The following IQCJ variants were observed in gnomAD, a reference collection of about 807,000 sequenced individuals.
IQCJ encodes IQ motif containing J, also known as IQ domain-containing protein J.
In IQCJ, 9 loss-of-function variants were observed where a neutral mutation model predicts 11.0. The observed-to-expected ratio is 0.82, with a 90% CI of 0.49 to 1.43. The LOEUF (loss-of-function observed/expected upper bound fraction) is 1.43, where lower values mean the gene tolerates loss of function less well. Ranked by LOEUF, IQCJ falls within the 40% of genes most tolerant of loss-of-function variation. IQCJ has a pLI of 0.00. For missense variants in IQCJ, 146 were observed against 133.2 expected (o/e 1.10, Z -0.47); for synonymous variants, 55 against 51.3 (o/e 1.07, Z -0.31).
chr3:159,250,225 T>C (rs1293311212), intron 2 of IQCJ, among the ~76,000 whole-genome samples: 2 of 152,176 alleles, frequency 1.3e-5, no homozygotes, highest in East Asian at 3.9e-4. Flanking sequence ...TAGTTTATAG[T>C]TTGGTGAGGA....
At chr3:159,115,286 C>A (rs1387679724) in intron 1 of IQCJ, among the ~76,000 whole-genome samples, 1 of 152,174 alleles carries the variant, frequency 6.6e-6, no homozygotes, top group Non-Finnish European at 1.5e-5. Flanking sequence ...CCCTTCAACA[C>A]CCCCACCCCC....
At chr3:159,263,937 G>A (rs79509573), downstream of IQCJ, among the ~76,000 whole-genome samples, 161 of 152,274 alleles carry the variant, frequency 1.1e-3, 4 homozygotes, top group East Asian at 0.029. Context: ...GAGGGCACTC[G>A]TGAACTACAC....
intron 1 of IQCJ, among the ~76,000 whole-genome samples, chr3:159,094,717 T>C (rs556043845): frequency 6.6e-6 from 1 of 151,828 alleles, no homozygotes; most frequent in Admixed American, 6.5e-5. Context: ...TGGTAAAAGA[T>C]GTGTGATCTC....
At chr3:159,167,057 A>G (rs1298111566) in intron 1 of IQCJ, among the ~76,000 whole-genome samples, 1 of 152,162 alleles carries the variant, frequency 6.6e-6, no homozygotes, top group African/African-American at 2.4e-5. Context: ...CCATTGATCA[A>G]ACTAAAAATT....
At chr3:159,219,659 C>A (rs758396673) in intron 1 of IQCJ, among the ~76,000 whole-genome samples, 5 of 152,186 alleles carry the variant, frequency 3.3e-5, no homozygotes, top group Admixed American at 6.5e-5. Context: ...TATTAAAGAT[C>A]TCTCCTTTGC....
intron 1 of IQCJ, among the ~76,000 whole-genome samples, chr3:159,231,915 C>T (rs139016208): frequency 1.3e-5 from 2 of 152,266 alleles, no homozygotes; most frequent in East Asian, 3.9e-4. Context: ...AGTTTATTTG[C>T]ATAGAGGTGT....
intron 1 of IQCJ, among the ~76,000 whole-genome samples, chr3:159,080,150 A>C (rs6783032): frequency 2.7e-3 from 405 of 152,268 alleles, no homozygotes; most frequent in African/African-American, 9.3e-3. Flanking sequence ...AATATATCTT[A>C]AGACAGTATG....
chr3:159,122,143 A>G (rs1184198022), intron 1 of IQCJ, among the ~76,000 whole-genome samples: 1 of 152,160 alleles, frequency 6.6e-6, no homozygotes, highest in Non-Finnish European at 1.5e-5. Flanking sequence ...GTGGTAAGAT[A>G]GAGAGTTATC....
intron 1 of IQCJ, among the ~76,000 whole-genome samples, chr3:159,220,787 A>G (rs958546854): frequency 3.3e-5 from 5 of 152,280 alleles, no homozygotes; most frequent in African/African-American, 1.2e-4. Context: ...TGGGAGCTGC[A>G]CAGCCTAGCC....
chr3:159,229,692 A>G (rs1391208698), intron 1 of IQCJ, among the ~76,000 whole-genome samples: 1 of 103,530 alleles, frequency 9.7e-6, no homozygotes, highest in African/African-American at 3.9e-5. Flanking sequence ...CTCAACCCCA[A>G]AGTCTCTTCC....
chr3:159,074,839 A>G (rs916455575), intron 1 of IQCJ, among the ~76,000 whole-genome samples: 1 of 152,128 alleles, frequency 6.6e-6, no homozygotes, highest in Non-Finnish European at 1.5e-5. Context: ...TTGGCTTCAT[A>G]CAGACCTGAT....
chr3:159,112,532 T>C (rs944592636), intron 1 of IQCJ, among the ~76,000 whole-genome samples: 1 of 152,198 alleles, frequency 6.6e-6, no homozygotes, highest in Non-Finnish European at 1.5e-5. Context: ...AGAACCTTAA[T>C]ATCTCTGACA....
intron 1 of IQCJ, among the ~76,000 whole-genome samples, chr3:159,111,068 T>C (rs1718592754): frequency 6.6e-6 from 1 of 152,248 alleles, no homozygotes; most frequent in Non-Finnish European, 1.5e-5. Flanking sequence ...CTCACTTCTC[T>C]GGCTGCAGGC....
At chr3:159,167,003 T>C (rs1722206218) in intron 1 of IQCJ, among the ~76,000 whole-genome samples, 1 of 152,224 alleles carries the variant, frequency 6.6e-6, no homozygotes, top group Non-Finnish European at 1.5e-5. Context: ...GAGGCAACCC[T>C]GGTATTTCCT....
At chr3:159,129,371 C>T (rs181231328) in intron 1 of IQCJ, among the ~76,000 whole-genome samples, 5 of 152,306 alleles carry the variant, frequency 3.3e-5, no homozygotes, top group African/African-American at 4.8e-5. Flanking sequence ...CTAGCCATTT[C>T]CCCCTAAGTA....
At chr3:159,255,635 C>T (rs1348444402) in intron 3 of IQCJ, among the ~76,000 whole-genome samples, 1 of 152,074 alleles carries the variant, frequency 6.6e-6, no homozygotes, top group Non-Finnish European at 1.5e-5. Flanking sequence ...GGGAGGGTGC[C>T]TGTATCAAAG....
rs1474840213 is a variant in IQCJ at position 159,262,757 on chromosome 3, G to A, written c.*26G>A. The A allele has an allele frequency of 6.2e-7, 1 of 1,602,766 alleles. No homozygotes were observed. On this transcript the variant is annotated 3_prime_UTR_variant, in exon 4 of 4. Transcript: ENST00000397832. ...AAGCCTAGACTTTGGTTCTAAGAGAGAAATCTTGGGATGTGAGCAGGTGGT... is the reference window on the plus strand; with the variant it reads ...AAGCCTAGACTTTGGTTCTAAGAGAAAAATCTTGGGATGTGAGCAGGTGGT...
intron 1 of IQCJ, among the ~76,000 whole-genome samples, chr3:159,180,879 T>C (rs974984170): frequency 6.6e-6 from 1 of 152,026 alleles, no homozygotes; most frequent in Non-Finnish European, 1.5e-5. Flanking sequence ...ATTTACAACA[T>C]TTTGTCATCA....
At chr3:159,137,418 A>C (rs997900347) in intron 1 of IQCJ, among the ~76,000 whole-genome samples, 1 of 152,164 alleles carries the variant, frequency 6.6e-6, no homozygotes, top group African/African-American at 2.4e-5. Context: ...TATCACAGTG[A>C]TTTGACCTTT....
Sources: gnomAD v4.1 joint callset for allele counts (sites outside exome capture counted in the v4.1 genomes callset) on GRCh38, gnomAD v4.1.1 for gene constraint, MANE v1.5 for transcripts, NCBI Gene and HGNC (gene_info 2026-07-23, HGNC 2026-07-21) for gene names.